The following GABRG1 variants were observed in gnomAD, a reference collection of about 807,000 sequenced individuals.
GABRG1 encodes the protein gamma-aminobutyric acid type A receptor subunit gamma1, also known as gamma-aminobutyric acid receptor subunit gamma-1.
Under a neutral mutation model 49.8 loss-of-function variants are expected in GABRG1, and 49 were observed. That is an observed-to-expected ratio of 0.98 (90% CI 0.78 to 1.25). The LOEUF is 1.25. Ranked by LOEUF, GABRG1 falls within the 50% of genes most tolerant of loss-of-function variation. The probability of loss-of-function intolerance (pLI) is 0.00; values close to 1 mark genes in which losing one functional copy is unlikely to be tolerated. For synonymous variants in GABRG1, 232 were observed against 185.1 expected (o/e 1.25, Z -2.06); for missense variants, 552 against 552.3 (o/e 1.00, Z 0.01).
intron 1 of GABRG1, among the ~76,000 whole-genome samples, chr4:46,118,480 T>C (rs1721001383): frequency 6.6e-6 from 1 of 151,058 alleles, no homozygotes; most frequent in South Asian, 2.1e-4. Flanking sequence ...TATGCTATCT[T>C]GACACAAACT....
rs372512898 is a variant in GABRG1 at position 46,058,271 on chromosome 4, A to G, written c.862T>C (p.Ser288Pro). Residue 288 changes from serine to proline, a missense_variant, in exon 7 of 9, where the codon TCT becomes CCT. Coordinates refer to ENST00000295452, the MANE Select transcript of GABRG1 (RefSeq NM_173536.4). ...TTATTGATCCAAAAAGACACCCAAGAAAGAACAACTGTCAGAATGCATGGA... is the reference window on the plus strand; with the variant it reads ...TTATTGATCCAAAAAGACACCCAAGGAAGAACAACTGTCAGAATGCATGGA... ...YIPCILTVVL[S>P]WVSFWINKDA... 6 of 1,613,480 alleles carry G rather than the reference A, an allele frequency of 3.7e-6. No homozygotes were observed. The highest frequency in any genetic ancestry group is 1.1e-5 in the South Asian group (1 of 91,050).
chr4:46,109,152 T>A (rs1332141527), intron 1 of GABRG1, among the ~76,000 whole-genome samples: 1 of 149,610 alleles, frequency 6.7e-6, no homozygotes, highest in Non-Finnish European at 1.5e-5. Flanking sequence ...GGCCCAGGGC[T>A]TTTTTTTGGT....
intron 1 of GABRG1, among the ~76,000 whole-genome samples, chr4:46,114,860 C>T (rs900194064): frequency 1.3e-5 from 2 of 150,734 alleles, no homozygotes; most frequent in Non-Finnish European, 3.0e-5. Context: ...AAACCTTACT[C>T]ATTTGACAAT....
rs1483116579 is a variant in GABRG1 at position 46,094,403 on chromosome 4, AAGACAGAAGGGAGT to A, written c.253+2784_253+2797del. The stretch of plus-strand genomic sequence containing the variant: ...CAGCAGCCTGAAATAGGCTCTGTAG[AAGACAGAAGGGAGT>A]CAGTGATGGGCCTAAGGTAGATGCC... On this transcript the variant is annotated intron_variant, in intron 2 of 8. Transcript: ENST00000295452. Among the ~76,000 whole-genome samples the A allele has an allele frequency of 1.1e-4, 17 of 152,116 alleles. 1 individual carries two copies. Among genetic ancestry groups the A allele is most frequent in the Admixed American group, 5.9e-4 (9 of 15,246 alleles).
rs528889573 is a variant in GABRG1, at chr4:46,064,039, T to A, written c.625+402A>T. Reference sequence around the variant, plus strand: ...GGTAAATACTATTTGCCTAACCAATTTTTGAAACACATTTCAAAATCTAAT... The same window carrying A: ...GGTAAATACTATTTGCCTAACCAATATTTGAAACACATTTCAAAATCTAAT... On this transcript the variant is annotated intron_variant, in intron 5 of 8. Transcript: ENST00000295452. Among the ~76,000 whole-genome samples, 48 of 152,242 alleles carry A rather than the reference T, an allele frequency of 3.2e-4. No individual in the cohort carries two copies. In the South Asian group the frequency reaches 9.7e-3, roughly 31 times the overall value.
chr4:46,089,937 C>T (rs1719919575), intron 2 of GABRG1, among the ~76,000 whole-genome samples: 1 of 151,910 alleles, frequency 6.6e-6, no homozygotes, highest in Admixed American at 6.6e-5. Flanking sequence ...GCACTCCAGC[C>T]TGGATGACAG....
At chr4:46,056,580 A>C (rs1226263005) in intron 7 of GABRG1, among the ~76,000 whole-genome samples, 1 of 152,100 alleles carries the variant, frequency 6.6e-6, no homozygotes, top group African/African-American at 2.4e-5. Context: ...CTAAAATTTT[A>C]TTGTATGCCT....
At chr4:46,097,373 G>A in intron 1 of GABRG1, 24 bp from the exon 2 acceptor site, 1 of 1,589,728 alleles carries the variant, frequency 6.3e-7, no homozygotes, top group Non-Finnish European at 8.6e-7. Context: ...AGAAAAAAAT[G>A]GATGGTAGAA....
intron 3 of GABRG1, among the ~76,000 whole-genome samples, chr4:46,070,237 A>C (rs1719066957): frequency 6.6e-6 from 1 of 151,974 alleles, no homozygotes; most frequent in African/African-American, 2.4e-5. Flanking sequence ...CTAGCACTTC[A>C]TGTGTTAATT....
chr4:46,040,534 G>T lies in GABRG1; in HGVS notation c.*454C>A, dbSNP rs1717730017. ...TATCAACTAACTGTATTTCAAGCAG[G>T]GTAATCAAATGAAAAGCAAGAAAAA... On this transcript the variant is annotated 3_prime_UTR_variant, in exon 9 of 9. Transcript: ENST00000295452. 6.6e-6 allele frequency: 1 copy of T among 152,386 alleles called. No homozygotes were observed. The allele number at this position is 152,386 out of a possible 1,614,324, so 9.4% of individuals were successfully genotyped here.
chr4:46,115,212 G>T (rs16859094), intron 1 of GABRG1, among the ~76,000 whole-genome samples: 18,732 of 150,586 alleles, frequency 0.12, 3,112 homozygotes, highest in African/African-American at 0.38. Flanking sequence ...GTTTCTGTAA[G>T]TAAAACCTCA....
At chr4:46,047,117 G>C (rs1009252877) in intron 8 of GABRG1, among the ~76,000 whole-genome samples, 1 of 152,040 alleles carries the variant, frequency 6.6e-6, no homozygotes, top group Admixed American at 6.6e-5. Flanking sequence ...GTCACATGTG[G>C]CTATTGAGCA....
intron 1 of GABRG1, among the ~76,000 whole-genome samples, chr4:46,116,384 T>C (rs1248004467): frequency 6.6e-6 from 1 of 150,790 alleles, no homozygotes; most frequent in Non-Finnish European, 1.5e-5. Context: ...TAAGTTAGAC[T>C]TAGAAAAAAA....
intron 1 of GABRG1, among the ~76,000 whole-genome samples, chr4:46,123,364 G>C (rs1293271001): frequency 6.6e-6 from 1 of 152,020 alleles, no homozygotes; most frequent in African/African-American, 2.4e-5. Flanking sequence ...ACGAGGAAAG[G>C]GGAAAAGCAA....
At chr4:46,106,675 T>C (rs1029689930) in intron 1 of GABRG1, among the ~76,000 whole-genome samples, 1 of 151,412 alleles carries the variant, frequency 6.6e-6, no homozygotes, top group Non-Finnish European at 1.5e-5. Flanking sequence ...ATTAGGTATA[T>C]GAACTCCTCT....
At chr4:46,106,832 T>C (rs1720564782) in intron 1 of GABRG1, among the ~76,000 whole-genome samples, 1 of 151,038 alleles carries the variant, frequency 6.6e-6, no homozygotes, top group African/African-American at 2.4e-5. Flanking sequence ...TGAAAAAGAA[T>C]CATGAGTGAG....
intron 5 of GABRG1, among the ~76,000 whole-genome samples, chr4:46,061,878 T>A (rs1464791917): frequency 6.6e-6 from 1 of 151,670 alleles, no homozygotes; most frequent in East Asian, 1.9e-4. Context: ...TATTTTATTT[T>A]TTTTATTATT....
At chr4:46,041,651 T>C (rs975740994) in intron 8 of GABRG1, among the ~76,000 whole-genome samples, 4 of 151,908 alleles carry the variant, frequency 2.6e-5, no homozygotes, top group Admixed American at 2.6e-4. Context: ...AAAATGAGAA[T>C]AAATAGCAAA....
chr4:46,041,544 A>G (rs1427573596), intron 8 of GABRG1, among the ~76,000 whole-genome samples: 2 of 152,034 alleles, frequency 1.3e-5, no homozygotes, highest in Non-Finnish European at 2.9e-5. Flanking sequence ...ATCTAATTCT[A>G]AAATAAAATG....
Sources: gnomAD v4.1 joint callset for allele counts (sites outside exome capture counted in the v4.1 genomes callset) on GRCh38, gnomAD v4.1.1 for gene constraint, MANE v1.5 for transcripts, NCBI Gene and HGNC (gene_info 2026-07-23, HGNC 2026-07-21) for gene names.